Variants in CDH18 observed in about 807,000 individuals in gnomAD.
CDH18 encodes cadherin-18.
CDH18 carries 31 observed loss-of-function variants against 67.9 expected under a neutral mutation model. The ratio of observed to expected loss-of-function variants is 0.46; its 90% CI spans 0.34 to 0.62. The LOEUF is 0.62. Ranked by LOEUF, CDH18 falls within the 20% of genes least tolerant of loss-of-function variation. CDH18 has a pLI of 0.01. For missense variants in CDH18, 890 were observed against 975.5 expected (o/e 0.91, Z 1.17); for synonymous variants, 362 against 347.2 (o/e 1.04, Z -0.48).
intron 2 of CDH18, among the ~76,000 whole-genome samples, chr5:19,940,963 T>A (rs1794749754): frequency 6.6e-6 from 1 of 152,126 alleles, no homozygotes; most frequent in South Asian, 2.1e-4. Context: ...TAAAAAATAG[T>A]ATCCCCATCC....
At chr5:19,516,264 A>C (rs545357386) in intron 10 of CDH18, among the ~76,000 whole-genome samples, 1 of 152,278 alleles carries the variant, frequency 6.6e-6, no homozygotes, top group East Asian at 1.9e-4. Context: ...TATTTTATTG[A>C]GGATTTTCAC....
chr5:20,012,319 C>T (rs1737510199), intron 2 of CDH18, among the ~76,000 whole-genome samples: 1 of 137,822 alleles, frequency 7.3e-6, no homozygotes, highest in African/African-American at 2.7e-5. Flanking sequence ...TGAATCTTCT[C>T]TCTTTTTTCT....
chr5:20,464,542 AT>A (rs1299084838), intron 1 of CDH18, among the ~76,000 whole-genome samples: 1 of 152,194 alleles, frequency 6.6e-6, no homozygotes, highest in Non-Finnish European at 1.5e-5. Flanking sequence ...GGAATAGAAT[AT>A]TGAAACAAAT....
chr5:19,968,266 C>T (rs1047724142), intron 2 of CDH18, among the ~76,000 whole-genome samples: 26 of 144,882 alleles, frequency 1.8e-4, no homozygotes, highest in African/African-American at 7.5e-4. Context: ...GCCATACTGC[C>T]CAAGGTAATT....
At position 19,858,819 on chromosome 5, in the gene CDH18, T is replaced by C. The variant is rs191783267; in HGVS notation, c.-256-19577A>G. ...GCAATATCACAAAATGCAGAAAAAC[T>C]CATTTGTTAGATATTACTTTTTTCT... On this transcript the variant is annotated intron_variant, in intron 2 of 12. Transcript: ENST00000382275. Among the ~76,000 whole-genome samples, 32 of 152,228 alleles carry C rather than the reference T, an allele frequency of 2.1e-4. No homozygotes were observed. The East Asian group carries it at 4.4e-3, about 21-fold the overall frequency.
intron 1 of CDH18, among the ~76,000 whole-genome samples, chr5:20,357,318 G>T (rs554115348): frequency 1.3e-5 from 2 of 152,218 alleles, no homozygotes; most frequent in African/African-American, 2.4e-5. Flanking sequence ...TGCTAAAATT[G>T]CAATTGTCAC....
At chr5:19,571,042 G>C (rs1194316253) in intron 8 of CDH18, among the ~76,000 whole-genome samples, 3 of 152,284 alleles carry the variant, frequency 2.0e-5, no homozygotes, top group South Asian at 4.1e-4. Context: ...CATTTATTGA[G>C]TGACTACTAG....
chr5:20,373,508 C>A (rs10061989), intron 1 of CDH18, among the ~76,000 whole-genome samples: 33,865 of 151,998 alleles, frequency 0.22, 4,086 homozygotes, highest in East Asian at 0.36. Context: ...CAAGCATTCT[C>A]TGTGCCCCAG....
In CDH18 at chr5:19,733,035, G is replaced by A. The variant is rs904264979; in HGVS notation, c.524-11569C>T. Among the ~76,000 whole-genome samples, 4 of 152,062 alleles carry A rather than the reference G, an allele frequency of 2.6e-5. No individual in the cohort carries two copies. In the East Asian group the frequency reaches 7.8e-4, roughly 30 times the overall value. On this transcript the variant is annotated intron_variant, in intron 4 of 12. Coordinates refer to ENST00000382275, the MANE Select transcript of CDH18 (RefSeq NM_004934.5). The stretch of plus-strand genomic sequence containing the variant: ...CTGTCAGCAGGGAGTAGCTAATATC[G>A]GTCATGATCCCTATTCTAACAGCAG...
At chr5:20,244,996 TA>T (rs1333843776) in intron 2 of CDH18, among the ~76,000 whole-genome samples, 2 of 152,114 alleles carry the variant, frequency 1.3e-5, no homozygotes, top group Admixed American at 1.3e-4. Context: ...TTAAAAATCT[TA>T]TATTTGACTT....
At chr5:19,914,391 A>G (rs902468462) in intron 2 of CDH18, among the ~76,000 whole-genome samples, 4 of 152,140 alleles carry the variant, frequency 2.6e-5, no homozygotes, top group Non-Finnish European at 5.9e-5. Context: ...AGAAAATGCA[A>G]TTAGCATGAC....
intron 2 of CDH18, among the ~76,000 whole-genome samples, chr5:20,182,363 G>A (rs1207462979): frequency 6.6e-6 from 1 of 151,848 alleles, no homozygotes; most frequent in Non-Finnish European, 1.5e-5. Context: ...AGAACTTTGG[G>A]AGCCTCAAGT....
intron 1 of CDH18, among the ~76,000 whole-genome samples, chr5:20,414,881 C>T (rs187952548): frequency 6.6e-6 from 1 of 152,106 alleles, no homozygotes; most frequent in African/African-American, 2.4e-5. Flanking sequence ...CTTGTGCACT[C>T]TTGGTGATAA....
chr5:19,953,407 C>G (rs1308926128), intron 2 of CDH18, among the ~76,000 whole-genome samples: 1 of 151,936 alleles, frequency 6.6e-6, no homozygotes, highest in East Asian at 1.9e-4. Flanking sequence ...GTTATGTTGA[C>G]TGATGCAGTA....
intron 2 of CDH18, among the ~76,000 whole-genome samples, chr5:20,230,348 G>A (rs933737931): frequency 1.3e-5 from 2 of 152,124 alleles, no homozygotes; most frequent in African/African-American, 4.8e-5. Flanking sequence ...TGAAATACTG[G>A]TTAATACTGT....
chr5:20,292,395 G>C (rs1178560854), intron 1 of CDH18, among the ~76,000 whole-genome samples: 1 of 152,188 alleles, frequency 6.6e-6, no homozygotes, highest in East Asian at 1.9e-4. Flanking sequence ...CAAAGATAAA[G>C]AGAATGATAG....
intron 5 of CDH18, among the ~76,000 whole-genome samples, chr5:19,667,407 C>A (rs1758110750): frequency 6.7e-6 from 1 of 150,210 alleles, no homozygotes. Flanking sequence ...ATATTGTTTT[C>A]TCCTTAAAAC....
intron 2 of CDH18, among the ~76,000 whole-genome samples, chr5:20,053,717 CTGAT>C (rs949426010): frequency 3.9e-5 from 6 of 152,234 alleles, no homozygotes; most frequent in African/African-American, 1.2e-4. Context: ...CTCCTTAACT[CTGAT>C]TGTCAAAATG....
intron 3 of CDH18, among the ~76,000 whole-genome samples, chr5:19,809,227 G>A (rs895818795): frequency 3.3e-5 from 5 of 152,028 alleles, no homozygotes; most frequent in Non-Finnish European, 5.9e-5. Context: ...AAGAAGGGAG[G>A]GAGGACTTAG....
Sources: allele counts gnomAD v4.1 joint callset (sites outside exome capture counted in the v4.1 genomes callset), GRCh38; gene constraint gnomAD v4.1.1; transcripts MANE v1.5; gene names NCBI Gene and HGNC (gene_info 2026-07-23, HGNC 2026-07-21).